Variants in SPRR2B observed in about 807,000 individuals in gnomAD.
SPRR2B encodes the protein small proline-rich protein 2B.
In SPRR2B, 1 loss-of-function variant was observed where a neutral mutation model predicts 1.0. The ratio of observed to expected loss-of-function variants is 1.01; its 90% CI spans 0.36 to 4.77. The LOEUF (loss-of-function observed/expected upper bound fraction) is 4.77, where lower values mean the gene tolerates loss of function less well. Ranked by LOEUF, SPRR2B falls within the 30% of genes most tolerant of loss-of-function variation. SPRR2B has a pLI of 0.16. For synonymous variants in SPRR2B, 27 were observed against 33.4 expected (o/e 0.81, Z 0.66); for missense variants, 53 against 88.7 (o/e 0.60, Z 1.62).
chr1:153,076,972 A>G, the SPRR2B span, among the ~76,000 whole-genome samples: 1 of 152,248 alleles, frequency 6.6e-6, no homozygotes, highest in African/African-American at 2.4e-5. Context: ...GCCCATTTAT[A>G]TGATTTCCAT....
At chr1:153,086,479 ACTAT>A in the SPRR2B span, among the ~76,000 whole-genome samples, 4 of 152,328 alleles carry the variant, frequency 2.6e-5, no homozygotes, top group African/African-American at 9.6e-5. Context: ...AGACAACCTA[ACTAT>A]CTTAAATATA....
At chr1:153,072,756 T>G (rs978872024), upstream of SPRR2B, among the ~76,000 whole-genome samples, 1 of 152,212 alleles carries the variant, frequency 6.6e-6, no homozygotes, top group African/African-American at 2.4e-5. Flanking sequence ...CACATCCCAA[T>G]GTATACCTCT....
chr1:153,087,723 T>A, the SPRR2B span, among the ~76,000 whole-genome samples: 1 of 152,096 alleles, frequency 6.6e-6, no homozygotes, highest in Non-Finnish European at 1.5e-5. Flanking sequence ...AAAGGACCAA[T>A]AATGAGCTCC....
chr1:153,086,255 C>A, the SPRR2B span, among the ~76,000 whole-genome samples: 1 of 152,084 alleles, frequency 6.6e-6, no homozygotes, highest in Non-Finnish European at 1.5e-5. Context: ...GAACAAAGAC[C>A]CATTGGTATG....
At chr1:153,076,587 GT>G (rs1654770265), upstream of SPRR2B, among the ~76,000 whole-genome samples, 1 of 152,176 alleles carries the variant, frequency 6.6e-6, no homozygotes, top group African/African-American at 2.4e-5. Flanking sequence ...TCTACTGTAA[GT>G]TTGAGAAAGG....
the SPRR2B span, among the ~76,000 whole-genome samples, chr1:153,084,979 A>C: frequency 6.6e-6 from 1 of 152,262 alleles, no homozygotes; most frequent in Non-Finnish European, 1.5e-5. Context: ...TACCACAATC[A>C]AAACCTCAAG....
chr1:153,074,983 C>G (rs1654745468), upstream of SPRR2B, among the ~76,000 whole-genome samples: 2 of 152,132 alleles, frequency 1.3e-5, no homozygotes, highest in South Asian at 2.1e-4. Context: ...TGATAATATT[C>G]CCCATCCTCA....
chr1:153,074,678 T>C (rs184442501), upstream of SPRR2B, among the ~76,000 whole-genome samples: 209 of 152,340 alleles, frequency 1.4e-3, 1 homozygote, highest in Non-Finnish European at 2.5e-3. Context: ...ATATATTAAA[T>C]GTGATTATAT....
At chr1:153,081,674 T>C in the SPRR2B span, among the ~76,000 whole-genome samples, 1 of 152,224 alleles carries the variant, frequency 6.6e-6, no homozygotes, top group Non-Finnish European at 1.5e-5. Flanking sequence ...TAACTTCACT[T>C]TTTATTTTCT....
the SPRR2B span, among the ~76,000 whole-genome samples, chr1:153,077,822 C>T: frequency 2.0e-5 from 3 of 152,040 alleles, 1 homozygote; most frequent in East Asian, 5.8e-4. Context: ...GCCATGTTGG[C>T]GAGGCTGGAT....
chr1:153,071,412 G>A (rs1267783900), intron 1 of SPRR2B, among the ~76,000 whole-genome samples, 157 bp downstream of exon 1: 14 of 152,096 alleles, frequency 9.2e-5, no homozygotes, highest in Admixed American at 5.9e-4. Context: ...TTTTAAAGCT[G>A]TGTAAAACAC....
At chr1:153,086,917 T>TA in the SPRR2B span, among the ~76,000 whole-genome samples, 1 of 152,114 alleles carries the variant, frequency 6.6e-6, no homozygotes, top group Non-Finnish European at 1.5e-5. Context: ...AAATTAAGAC[T>TA]AAAAAATTCA....
chr1:153,086,409 C>G, the SPRR2B span, among the ~76,000 whole-genome samples: 1 of 152,052 alleles, frequency 6.6e-6, no homozygotes, highest in African/African-American at 2.4e-5. Context: ...ATTAAACCAG[C>G]AAACGTCCAA....
chr1:153,081,911 C>T, the SPRR2B span, among the ~76,000 whole-genome samples: 3 of 151,560 alleles, frequency 2.0e-5, no homozygotes, highest in Non-Finnish European at 2.9e-5. Flanking sequence ...CAACCTCCGC[C>T]TCTGGGCTCA....
the SPRR2B span, among the ~76,000 whole-genome samples, chr1:153,086,701 T>C: frequency 6.6e-6 from 1 of 152,232 alleles, no homozygotes; most frequent in South Asian, 2.1e-4. Flanking sequence ...TGTTATTCAC[T>C]ACCAAAACTT....
the SPRR2B span, among the ~76,000 whole-genome samples, chr1:153,079,246 G>C: frequency 7.7e-4 from 117 of 152,076 alleles, no homozygotes; most frequent in Middle Eastern, 3.4e-3. Flanking sequence ...TTTGAGTTCA[G>C]TGTGGATTCT....
chr1:153,071,737 G>A (rs997647198), upstream of SPRR2B, among the ~76,000 whole-genome samples: 5 of 152,290 alleles, frequency 3.3e-5, no homozygotes, highest in South Asian at 4.2e-4. Context: ...TAACTGGCAT[G>A]ACAGGGATTC....
In SPRR2B at chr1:153,070,722, T is replaced by G; in HGVS notation, c.118A>C (p.Lys40Gln). ...PKCPEPCPPP[K>Q]CPQPCPPQQC... is the part of the protein sequence containing the mutation. ...TGAGGTGGGCAGGGCTGTGGACACT[T>G]TGGTGGTGGGCAGGGCTCAGGGCAC... Residue 40 changes from lysine to glutamine, a missense_variant, in exon 2 of 2, where the codon AAG becomes CAG. Coordinates refer to ENST00000368755, the MANE Select transcript of SPRR2B (RefSeq NM_001388198.1). The G allele has an allele frequency of 1.2e-6, 2 of 1,609,370 alleles. No homozygotes were observed. Among genetic ancestry groups the G allele is most frequent in the Non-Finnish European group, 1.7e-6 (2 of 1,178,678 alleles).
chr1:153,071,736 T>G (rs1379796129), upstream of SPRR2B, among the ~76,000 whole-genome samples: 1 of 152,180 alleles, frequency 6.6e-6, no homozygotes, highest in Non-Finnish European at 1.5e-5. Flanking sequence ...ATAACTGGCA[T>G]GACAGGGATT....
Sources: gnomAD v4.1 joint callset for allele counts (sites outside exome capture counted in the v4.1 genomes callset) on GRCh38, gnomAD v4.1.1 for gene constraint, MANE v1.5 for transcripts, NCBI Gene and HGNC (gene_info 2026-07-23, HGNC 2026-07-21) for gene names.